COL6A5: variants seen among roughly 807,000 people sequenced by gnomAD.
COL6A5 encodes the protein collagen alpha-5(VI) chain.
In COL6A5, 48 loss-of-function variants were observed where a neutral mutation model predicts 65.6. The observed-to-expected ratio is 0.73, with a 90% CI of 0.58 to 0.93. COL6A5 has a LOEUF of 0.93. Ranked by LOEUF, COL6A5 falls within the 40% of genes least tolerant of loss-of-function variation. The pLI is 0.00. For synonymous variants in COL6A5, 291 were observed against 322.8 expected (o/e 0.90, Z 1.05); for missense variants, 914 against 928.3 (o/e 0.98, Z 0.20).
intron 24 of COL6A5, among the ~76,000 whole-genome samples, chr3:130,418,265 G>A (rs148078864): frequency 6.6e-6 from 1 of 151,966 alleles, no homozygotes; most frequent in African/African-American, 2.4e-5. Flanking sequence ...CCTCCCTCCT[G>A]CGTGCCTGCC....
At chr3:130,403,728 CA>C (rs1271001062) in intron 13 of COL6A5, 66 bp downstream of exon 13, 4 of 1,071,012 alleles carry the variant, frequency 3.7e-6, no homozygotes, top group Non-Finnish European at 5.2e-6. Flanking sequence ...CACACACACA[CA>C]AACACACACT....
At chr3:130,416,902 G>A (rs1339355658) in intron 24 of COL6A5, 83 bp downstream of exon 24, 1 of 764,638 alleles carries the variant, frequency 1.3e-6, no homozygotes, top group Admixed American at 3.0e-5. Context: ...ATTTTTATGA[G>A]GTACAATGTG....
At chr3:130,443,498 A>G in exon 4 of COL6A5, 1 of 1,610,936 alleles carries the variant, frequency 6.2e-7, no homozygotes, top group Non-Finnish European at 8.5e-7. Context: ...AGTACCCACC[A>G]CCGATGCTTG....
At chr3:130,423,071 C>T (rs923863859) in intron 28 of COL6A5, among the ~76,000 whole-genome samples, 1 of 151,928 alleles carries the variant, frequency 6.6e-6, no homozygotes, top group South Asian at 2.1e-4. Flanking sequence ...ATGTCAGTGC[C>T]TTCCAGTCTT....
intron 24 of COL6A5, 90 bp from the exon 25 acceptor site, chr3:130,418,779 T>G: frequency 6.0e-6 from 6 of 994,546 alleles, no homozygotes; most frequent in Non-Finnish European, 9.4e-6. Context: ...CTGAGAACCT[T>G]GAGTCTCCTC....
At chr3:130,394,792 T>A in intron 7 of COL6A5, 98 bp from the exon 8 acceptor site, 1 of 807,476 alleles carries the variant, frequency 1.2e-6, no homozygotes. Flanking sequence ...CTAATGTAAA[T>A]CAATTGAAGT....
chr3:130,429,344 T>C (rs551979204), upstream of COL6A5, among the ~76,000 whole-genome samples: 3 of 152,182 alleles, frequency 2.0e-5, no homozygotes, highest in Non-Finnish European at 4.4e-5. Flanking sequence ...TGCTAAAGTC[T>C]GCTGGCTGTG....
rs748363413 is a variant in COL6A5 at position 130,397,904 on chromosome 3, A to G, written c.3890A>G (p.Lys1297Arg). ...TCTCTTTGGGACACATTTAAGGATAAATCTGCATCCCGGGGCCAGGTATCC... is the reference window on the plus strand; with the variant it reads ...TCTCTTTGGGACACATTTAAGGATAGATCTGCATCCCGGGGCCAGGTATCC... Residue 1297 changes from lysine to arginine, a missense_variant and NMD_transcript_variant, in exon 9 of 42, where the codon AAA becomes AGA. By Grantham distance (26) the Lys-to-Arg change is conservative. Coordinates refer to the COL6A5 transcript ENST00000312481. 3.2e-6 allele frequency: 5 copies of G among 1,550,544 alleles called. No individual in the cohort carries two copies. The South Asian group carries it at 5.9e-5, about 18-fold the overall frequency.
Position 130,434,289 on chromosome 3 carries a change from AGTATTCC to A in COL6A5, c.487+2341_487+2347del, listed in dbSNP as rs541272903. On this transcript the variant is annotated intron_variant, in intron 1 of 7. Coordinates refer to ENST00000512836, the Ensembl canonical transcript of COL6A5. ...GTCTCATTCCTTTTTATGGCTGCATAGTATTCCATGTGTATATGTACCACATTTTCTT... is the reference window on the plus strand; with the variant it reads ...GTCTCATTCCTTTTTATGGCTGCATAATGTGTATATGTACCACATTTTCTT... 3.6e-3 allele frequency among the ~76,000 whole-genome samples: 542 copies of A among 152,302 alleles called. 4 individuals are homozygous for A. The highest frequency in any genetic ancestry group is 0.011 in the African/African-American group (468 of 41,534).
chr3:130,476,211 C>T (rs2107622223), intron 7 of COL6A5, among the ~76,000 whole-genome samples: 1 of 152,148 alleles, frequency 6.6e-6, no homozygotes, highest in African/African-American at 2.4e-5. Context: ...GCCTCCTCTC[C>T]TTGTCCTCAC....
At chr3:130,393,303 G>A (rs564160135) in intron 7 of COL6A5, among the ~76,000 whole-genome samples, 3 of 151,958 alleles carry the variant, frequency 2.0e-5, no homozygotes, top group South Asian at 2.1e-4. Flanking sequence ...GCCTGCCTAC[G>A]TCTCACTTTT....
chr3:130,448,355 G>T (rs1478817787), intron 4 of COL6A5, among the ~76,000 whole-genome samples: 1 of 152,160 alleles, frequency 6.6e-6, no homozygotes, highest in African/African-American at 2.4e-5. Flanking sequence ...TGGGGCTGCG[G>T]AGGTCGGAAT....
At chr3:130,482,809 C>A (rs552433018) in intron 7 of COL6A5, among the ~76,000 whole-genome samples, 1 of 152,056 alleles carries the variant, frequency 6.6e-6, no homozygotes, top group African/African-American at 2.4e-5. Context: ...TTGTAGCAAT[C>A]GTGAATGTGA....
chr3:130,370,670 C>T (rs76747696), intron 1 of COL6A5, among the ~76,000 whole-genome samples: 1,631 of 152,060 alleles, frequency 0.011, 11 homozygotes, highest in South Asian at 0.069. Context: ...ATGGAAAAGA[C>T]GAATAGGAAT....
chr3:130,473,637 G>A (rs1046790272), intron 7 of COL6A5, among the ~76,000 whole-genome samples: 1 of 152,074 alleles, frequency 6.6e-6, no homozygotes, highest in Non-Finnish European at 1.5e-5. Context: ...GAAGAATGTT[G>A]ACAAACTGAC....
exon 8 of COL6A5, chr3:130,395,229 T>C: frequency 6.4e-7 from 1 of 1,551,706 alleles, no homozygotes; most frequent in South Asian, 1.2e-5. Context: ...CCCCAAACTT[T>C]GGTTGTTATC....
At chr3:130,409,824 C>A (rs11917803) in intron 18 of COL6A5, among the ~76,000 whole-genome samples, 185 bp from the exon 19 acceptor site, 87,709 of 152,014 alleles carry the variant, frequency 0.58, 28,047 homozygotes, top group Non-Finnish European at 0.73. Flanking sequence ...ATTGCCAAAT[C>A]TTCTTCAAAC....
At chr3:130,403,873 AG>A (rs34448786) in intron 13 of COL6A5, among the ~76,000 whole-genome samples, 2 of 152,236 alleles carry the variant, frequency 1.3e-5, no homozygotes, top group African/African-American at 4.8e-5. Context: ...TGTGGGAAGA[AG>A]GGTTGCCTTT....
chr3:130,378,859 T>A (rs1935881423), intron 3 of COL6A5, among the ~76,000 whole-genome samples: 1 of 152,166 alleles, frequency 6.6e-6, no homozygotes, highest in Non-Finnish European at 1.5e-5. Context: ...GTCACCTGTT[T>A]TATTTCCTTG....
Sources: allele counts gnomAD v4.1 joint callset (sites outside exome capture counted in the v4.1 genomes callset), GRCh38; gene constraint gnomAD v4.1.1; transcripts MANE v1.5; gene names NCBI Gene and HGNC (gene_info 2026-07-23, HGNC 2026-07-21).